Variants in NRG3 observed in about 807,000 individuals in gnomAD.
The protein encoded by NRG3 is neuregulin 3.
In NRG3, 31 loss-of-function variants were observed where a neutral mutation model predicts 66.9. The observed-to-expected ratio is 0.46, with a 90% CI of 0.35 to 0.63. The LOEUF is 0.63. Ranked by LOEUF, NRG3 falls within the 20% of genes least tolerant of loss-of-function variation. The probability of loss-of-function intolerance (pLI) is 0.00; values close to 1 mark genes in which losing one functional copy is unlikely to be tolerated. For missense variants in NRG3, 910 were observed against 878.9 expected (o/e 1.04, Z -0.45); for synonymous variants, 393 against 359.4 (o/e 1.09, Z -1.06).
chr10:82,485,163 G>T (rs956299605), intron 2 of NRG3, among the ~76,000 whole-genome samples: 1 of 152,010 alleles, frequency 6.6e-6, no homozygotes, highest in African/African-American at 2.4e-5. Context: ...CCCCAGTGTA[G>T]GGCTCAGGAA....
chr10:82,463,484 T>C (rs1325668662), intron 2 of NRG3, among the ~76,000 whole-genome samples: 2 of 152,164 alleles, frequency 1.3e-5, no homozygotes, highest in African/African-American at 4.8e-5. Flanking sequence ...GGAAGGGGCG[T>C]TGTATTTAGA....
intron 1 of NRG3, among the ~76,000 whole-genome samples, chr10:82,144,171 T>C (rs1021162059): frequency 2.6e-5 from 4 of 152,212 alleles, no homozygotes; most frequent in South Asian, 2.1e-4. Context: ...TTGACTCTTA[T>C]GACTTCTGTG....
chr10:82,666,372 A>C (rs2052782056), intron 2 of NRG3, among the ~76,000 whole-genome samples: 2 of 152,074 alleles, frequency 1.3e-5, no homozygotes, highest in African/African-American at 4.8e-5. Context: ...ATTAAATTCA[A>C]CTTGTCCACA....
intron 1 of NRG3, among the ~76,000 whole-genome samples, chr10:82,135,920 T>C (rs2069309642): frequency 1.3e-5 from 2 of 152,182 alleles, no homozygotes; most frequent in South Asian, 4.1e-4. Flanking sequence ...TGTCTAGGCA[T>C]TGAAGAGTTG....
chr10:81,923,344 T>G (rs570552258), intron 1 of NRG3, among the ~76,000 whole-genome samples: 3 of 152,086 alleles, frequency 2.0e-5, no homozygotes, highest in Non-Finnish European at 2.9e-5. Flanking sequence ...TAGCTGGGAC[T>G]ACAGGCGCCC....
At chr10:82,142,731 A>T (rs1158094295) in intron 1 of NRG3, among the ~76,000 whole-genome samples, 6 of 151,202 alleles carry the variant, frequency 4.0e-5, no homozygotes, top group Non-Finnish European at 7.4e-5. Context: ...TAGAGTCAGC[A>T]ATAAGATGTG....
rs139946281 is a variant in NRG3 at position 82,482,918 on chromosome 10, T to C, written c.953+124050T>C. Among the ~76,000 whole-genome samples the C allele has an allele frequency of 3.3e-5, 5 of 152,218 alleles. No individual in the cohort carries two copies. The East Asian group carries it at 9.7e-4, about 29-fold the overall frequency. ...AATACAGAGTCTGAGTGAACCAAAA[T>C]GAGCCTTGGAGGGAGTAAATCTTAC... On this transcript the variant is annotated intron_variant, in intron 2 of 8. Coordinates refer to ENST00000372141, the MANE Select transcript of NRG3 (RefSeq NM_001010848.4).
chr10:82,842,713 T>A (rs1472350951), intron 3 of NRG3, among the ~76,000 whole-genome samples: 1 of 152,092 alleles, frequency 6.6e-6, no homozygotes, highest in Admixed American at 6.6e-5. Context: ...GAATCCCATG[T>A]TTTTATTTTT....
At chr10:82,066,211 T>C (rs1356396256) in intron 1 of NRG3, among the ~76,000 whole-genome samples, 1 of 152,128 alleles carries the variant, frequency 6.6e-6, no homozygotes, top group Admixed American at 6.5e-5. Flanking sequence ...TATTATCTTG[T>C]TCACTCATCT....
intron 2 of NRG3, among the ~76,000 whole-genome samples, chr10:82,567,819 G>A (rs933893693): frequency 1.3e-5 from 2 of 151,634 alleles, no homozygotes; most frequent in Non-Finnish European, 2.9e-5. Context: ...CTTTAATGAA[G>A]GCCCTCATAT....
At chr10:82,691,616 T>G (rs185439680) in intron 2 of NRG3, among the ~76,000 whole-genome samples, 15 of 152,326 alleles carry the variant, frequency 9.8e-5, no homozygotes, top group Middle Eastern at 6.8e-3. Context: ...TTTATCTGTG[T>G]GAAGGACAAC....
chr10:82,639,774 A>T (rs1177254944), intron 2 of NRG3, among the ~76,000 whole-genome samples: 1 of 152,076 alleles, frequency 6.6e-6, no homozygotes, highest in Non-Finnish European at 1.5e-5. Context: ...TATTTTTTTA[A>T]TTTGACTTTT....
At chr10:82,179,363 G>A (rs899457700) in intron 1 of NRG3, among the ~76,000 whole-genome samples, 1 of 151,818 alleles carries the variant, frequency 6.6e-6, no homozygotes, top group African/African-American at 2.4e-5. Flanking sequence ...GTTTATTTTA[G>A]GAGTTTTACA....
intron 1 of NRG3, among the ~76,000 whole-genome samples, chr10:82,079,748 C>G (rs921425894): frequency 2.6e-5 from 4 of 152,112 alleles, no homozygotes; most frequent in African/African-American, 9.7e-5. Context: ...TGGCTTCTTT[C>G]ACTTAGCAAT....
At chr10:81,893,489 A>T (rs1843222564) in intron 1 of NRG3, among the ~76,000 whole-genome samples, 1 of 152,142 alleles carries the variant, frequency 6.6e-6, no homozygotes, top group South Asian at 2.1e-4. Context: ...ACTTTTTTAA[A>T]TGTGAAATTT....
At chr10:82,010,632 T>G (rs2061538920) in intron 1 of NRG3, among the ~76,000 whole-genome samples, 1 of 152,202 alleles carries the variant, frequency 6.6e-6, no homozygotes, top group African/African-American at 2.4e-5. Flanking sequence ...GAAGTGACTT[T>G]ATCAACAAAA....
intron 1 of NRG3, among the ~76,000 whole-genome samples, chr10:82,255,482 A>G (rs1459393842): frequency 1.3e-5 from 2 of 152,220 alleles, no homozygotes; most frequent in Admixed American, 1.3e-4. Flanking sequence ...GTAGGAGGTA[A>G]TGCAATTTTA....
At chr10:82,078,552 G>A (rs1349043280) in intron 1 of NRG3, among the ~76,000 whole-genome samples, 1 of 152,090 alleles carries the variant, frequency 6.6e-6, no homozygotes, top group Non-Finnish European at 1.5e-5. Context: ...GGGTTTCACC[G>A]TGTTAGCCAG....
intron 3 of NRG3, among the ~76,000 whole-genome samples, chr10:82,782,540 G>C (rs1271057041): frequency 6.6e-6 from 1 of 152,112 alleles, no homozygotes; most frequent in South Asian, 2.1e-4. Context: ...AACTGATACT[G>C]AGTAGCGAGA....
Sources: gnomAD v4.1 joint callset for allele counts (sites outside exome capture counted in the v4.1 genomes callset) on GRCh38, gnomAD v4.1.1 for gene constraint, MANE v1.5 for transcripts, NCBI Gene and HGNC (gene_info 2026-07-23, HGNC 2026-07-21) for gene names.